Variants in B3GLCT observed in about 807,000 individuals in gnomAD.
The protein encoded by B3GLCT is beta 3-glucosyltransferase.
B3GLCT carries 65 observed loss-of-function variants against 63.4 expected under a neutral mutation model. The ratio of observed to expected loss-of-function variants is 1.03; its 90% CI spans 0.84 to 1.26. The LOEUF (loss-of-function observed/expected upper bound fraction) is 1.26. B3GLCT is among the 50% of genes most tolerant of loss of function. The pLI is 0.00. For missense variants in B3GLCT, 577 were observed against 604.8 expected (o/e 0.95, Z 0.48); for synonymous variants, 233 against 219.2 (o/e 1.06, Z -0.55).
intron 9 of B3GLCT, among the ~76,000 whole-genome samples, chr13:31,274,947 T>TG (rs1872715582): frequency 1.3e-5 from 2 of 152,262 alleles, no homozygotes; most frequent in Non-Finnish European, 2.9e-5. Flanking sequence ...AGTGAGAACA[T>TG]GCAGTATTTG....
intron 2 of B3GLCT, among the ~76,000 whole-genome samples, chr13:31,221,060 C>T (rs1358981109): frequency 6.6e-6 from 1 of 152,166 alleles, no homozygotes; most frequent in African/African-American, 2.4e-5. Flanking sequence ...GCATTGGGAC[C>T]GAGTTAGGAG....
chr13:31,324,078 C>T (rs1006405066), intron 14 of B3GLCT, among the ~76,000 whole-genome samples, 183 bp downstream of exon 14: 6 of 152,164 alleles, frequency 3.9e-5, no homozygotes, highest in South Asian at 4.1e-4. Context: ...GTCTCATGTA[C>T]GTCATGAAGA....
intron 4 of B3GLCT, among the ~76,000 whole-genome samples, chr13:31,237,430 T>G (rs1192280843): frequency 1.3e-5 from 2 of 148,728 alleles, no homozygotes; most frequent in African/African-American, 2.5e-5. Flanking sequence ...CTCAGCTCAC[T>G]GCAACCTCTG....
chr13:31,263,592 G>T (rs1289759201), intron 7 of B3GLCT, among the ~76,000 whole-genome samples: 1 of 152,188 alleles, frequency 6.6e-6, no homozygotes, highest in African/African-American at 2.4e-5. Context: ...CACATGACTA[G>T]CTTCCAGGGG....
chr13:31,238,440 A>C (rs1870763863), intron 4 of B3GLCT, among the ~76,000 whole-genome samples: 2 of 152,200 alleles, frequency 1.3e-5, no homozygotes, highest in African/African-American at 4.8e-5. Flanking sequence ...GCTGAGGTTG[A>C]TAATTTTATG....
intron 10 of B3GLCT, among the ~76,000 whole-genome samples, chr13:31,282,649 C>CAAAAAA (rs11333268): frequency 2.3e-5 from 3 of 130,116 alleles, no homozygotes; most frequent in African/African-American, 6.0e-5. Flanking sequence ...GACTCTGTCT[C>CAAAAAA]AAAAAAAAAA....
chr13:31,296,838 A>G (rs1566087244), intron 12 of B3GLCT, among the ~76,000 whole-genome samples: 1 of 152,142 alleles, frequency 6.6e-6, no homozygotes. Flanking sequence ...AGTATTAAAT[A>G]CATGCATAAT....
chr13:31,248,882 G>C (rs983839149), intron 6 of B3GLCT, among the ~76,000 whole-genome samples: 1 of 152,130 alleles, frequency 6.6e-6, no homozygotes, highest in African/African-American at 2.4e-5. Context: ...ATGTTCAAAG[G>C]CTCGTTAGGT....
At chr13:31,206,149 G>T (rs1056177785) in intron 1 of B3GLCT, among the ~76,000 whole-genome samples, 1 of 152,160 alleles carries the variant, frequency 6.6e-6, no homozygotes, top group African/African-American at 2.4e-5. Context: ...AATGGCCTCA[G>T]CCCGTTGTGA....
intron 12 of B3GLCT, among the ~76,000 whole-genome samples, chr13:31,314,496 T>G (rs1367196538): frequency 6.6e-6 from 1 of 152,236 alleles, no homozygotes; most frequent in Non-Finnish European, 1.5e-5. Flanking sequence ...CCACTGGATT[T>G]TGGACTTGAA....
At chr13:31,260,019 TTAGAATA>T (rs1283720664) in intron 6 of B3GLCT, among the ~76,000 whole-genome samples, 1 of 152,176 alleles carries the variant, frequency 6.6e-6, no homozygotes, top group African/African-American at 2.4e-5. Context: ...TTCGTTACAC[TTAGAATA>T]AAGTCTGTGC....
chr13:31,230,747 C>T (rs939915359), intron 4 of B3GLCT, among the ~76,000 whole-genome samples: 71 of 152,110 alleles, frequency 4.7e-4, no homozygotes, highest in Admixed American at 4.6e-3. Flanking sequence ...CAGTGGCTCA[C>T]GCCTATAATC....
At chr13:31,201,332 C>T (rs925814688) in intron 1 of B3GLCT, among the ~76,000 whole-genome samples, 4 of 152,140 alleles carry the variant, frequency 2.6e-5, no homozygotes, top group Non-Finnish European at 4.4e-5. Context: ...TCTATAGGCG[C>T]TCAGTAAGTG....
chr13:31,279,814 C>T (rs561251363), intron 10 of B3GLCT, among the ~76,000 whole-genome samples: 7 of 152,274 alleles, frequency 4.6e-5, no homozygotes, highest in African/African-American at 1.7e-4. Flanking sequence ...CCCTTATCAA[C>T]GACCATAAAA....
intron 6 of B3GLCT, among the ~76,000 whole-genome samples, chr13:31,250,209 T>G (rs1024355751): frequency 2.0e-5 from 3 of 152,226 alleles, no homozygotes; most frequent in African/African-American, 7.2e-5. Flanking sequence ...AGTCTCGTTC[T>G]GTCACCCAGG....
chr13:31,235,377 AG>A (rs903801189), intron 4 of B3GLCT, among the ~76,000 whole-genome samples: 26 of 152,200 alleles, frequency 1.7e-4, no homozygotes, highest in African/African-American at 4.8e-4. Context: ...AGAAGCTTGA[AG>A]GTGCTGCTTC....
At chr13:31,286,358 T>G (rs1250783498) in intron 11 of B3GLCT, among the ~76,000 whole-genome samples, 1 of 152,206 alleles carries the variant, frequency 6.6e-6, no homozygotes, top group Non-Finnish European at 1.5e-5. Flanking sequence ...CAGAATAAGT[T>G]TATCTAAGAA....
intron 8 of B3GLCT, among the ~76,000 whole-genome samples, chr13:31,269,641 CCG>C (rs1491074187): frequency 1.1e-4 from 15 of 138,200 alleles, no homozygotes; most frequent in East Asian, 4.3e-4. Flanking sequence ...GATCATGTCC[CCG>C]CCCCCCTAAT....
intron 12 of B3GLCT, among the ~76,000 whole-genome samples, chr13:31,290,507 AC>A (rs1450048650): frequency 6.6e-6 from 1 of 152,194 alleles, no homozygotes; most frequent in African/African-American, 2.4e-5. Context: ...CTATTTTTCC[AC>A]ATCCTCTCCA....
Sources: allele counts gnomAD v4.1 joint callset (sites outside exome capture counted in the v4.1 genomes callset), GRCh38; gene constraint gnomAD v4.1.1; transcripts MANE v1.5; gene names NCBI Gene and HGNC (gene_info 2026-07-23, HGNC 2026-07-21).